The following CNTNAP2 variants were observed in gnomAD, a reference collection of about 807,000 sequenced individuals.
CNTNAP2 encodes contactin associated protein 2.
CNTNAP2 carries 98 observed loss-of-function variants against 155.2 expected under a neutral mutation model. The ratio of observed to expected loss-of-function variants is 0.63; its 90% CI spans 0.54 to 0.75. The LOEUF (loss-of-function observed/expected upper bound fraction) is 0.75. Ranked by LOEUF, CNTNAP2 falls within the 30% of genes least tolerant of loss-of-function variation. CNTNAP2 has a pLI of 0.00. For synonymous variants in CNTNAP2, 651 were observed against 631.2 expected (o/e 1.03, Z -0.47); for missense variants, 1,727 against 1,688.1 (o/e 1.02, Z -0.40).
chr7:148,103,210 T>C (rs1804140724), intron 15 of CNTNAP2, among the ~76,000 whole-genome samples: 1 of 151,500 alleles, frequency 6.6e-6, no homozygotes, highest in Admixed American at 6.6e-5. Context: ...ATGTAGCTTT[T>C]TTTTTTTTTT....
At chr7:148,337,636 T>C (rs1399414415) in intron 21 of CNTNAP2, among the ~76,000 whole-genome samples, 1 of 152,256 alleles carries the variant, frequency 6.6e-6, no homozygotes, top group African/African-American at 2.4e-5. Context: ...TGTTACCAGC[T>C]ACTTCTAACC....
At chr7:147,100,570 C>G (rs1381169259) in intron 4 of CNTNAP2, among the ~76,000 whole-genome samples, 1 of 152,114 alleles carries the variant, frequency 6.6e-6, no homozygotes, top group Non-Finnish European at 1.5e-5. Flanking sequence ...GACTTATAAA[C>G]AAATAACTCC....
chr7:146,131,519 G>T (rs1031453190), intron 1 of CNTNAP2, among the ~76,000 whole-genome samples: 1 of 152,086 alleles, frequency 6.6e-6, no homozygotes, highest in Admixed American at 6.5e-5. Context: ...GACTTCCTGG[G>T]TTCCATGCCA....
intron 3 of CNTNAP2, among the ~76,000 whole-genome samples, chr7:146,998,693 A>T (rs1176119903): frequency 1.3e-5 from 2 of 151,880 alleles, no homozygotes; most frequent in African/African-American, 4.8e-5. Flanking sequence ...TATTTACTTT[A>T]TATATTTAGG....
At chr7:148,142,259 C>G (rs923666873) in intron 16 of CNTNAP2, among the ~76,000 whole-genome samples, 2 of 152,032 alleles carry the variant, frequency 1.3e-5, no homozygotes, top group Non-Finnish European at 2.9e-5. Context: ...CATAGATGAA[C>G]TCTTTACTTC....
chr7:146,219,660 T>A (rs1425509529), intron 1 of CNTNAP2, among the ~76,000 whole-genome samples: 1 of 152,202 alleles, frequency 6.6e-6, no homozygotes, highest in Non-Finnish European at 1.5e-5. Flanking sequence ...CTCAGGTAAA[T>A]GAGATGGGTC....
chr7:147,608,837 C>T (rs1013867358), intron 12 of CNTNAP2, among the ~76,000 whole-genome samples: 3 of 151,428 alleles, frequency 2.0e-5, no homozygotes, highest in African/African-American at 7.3e-5. Context: ...GGGGTGGGGC[C>T]GTTTTATAGG....
At chr7:147,006,715 T>A (rs1428782797) in intron 3 of CNTNAP2, among the ~76,000 whole-genome samples, 2 of 152,128 alleles carry the variant, frequency 1.3e-5, no homozygotes, top group Admixed American at 6.6e-5. Context: ...TATCTTCATA[T>A]ACACTTCTAG....
intron 11 of CNTNAP2, among the ~76,000 whole-genome samples, chr7:147,511,488 C>G (rs1799020344): frequency 6.8e-6 from 1 of 147,602 alleles, no homozygotes; most frequent in African/African-American, 2.5e-5. Flanking sequence ...TGCAATAAAG[C>G]TAGGAAGTAA....
chr7:147,350,435 G>C (rs535256822), intron 9 of CNTNAP2, among the ~76,000 whole-genome samples: 1 of 151,732 alleles, frequency 6.6e-6, no homozygotes, highest in Non-Finnish European at 1.5e-5. Flanking sequence ...ACACTTTATA[G>C]TACTCATTTC....
intron 1 of CNTNAP2, among the ~76,000 whole-genome samples, chr7:146,285,375 A>G (rs953152875): frequency 6.6e-6 from 1 of 152,150 alleles, no homozygotes; most frequent in African/African-American, 2.4e-5. Flanking sequence ...CTCAATCAAT[A>G]GTTATTATAC....
intron 21 of CNTNAP2, among the ~76,000 whole-genome samples, chr7:148,290,628 A>G (rs1797172941): frequency 6.6e-6 from 1 of 152,182 alleles, no homozygotes; most frequent in Admixed American, 6.5e-5. Context: ...ATCACTTTCT[A>G]TCTTCATGTG....
At chr7:148,182,403 T>G (rs1795053844) in intron 18 of CNTNAP2, among the ~76,000 whole-genome samples, 1 of 148,016 alleles carries the variant, frequency 6.8e-6, no homozygotes, top group South Asian at 2.2e-4. Flanking sequence ...CCTTGAGTAC[T>G]CCATCACGTC....
chr7:148,176,870 T>C (rs989372981), intron 18 of CNTNAP2, among the ~76,000 whole-genome samples: 1 of 152,182 alleles, frequency 6.6e-6, no homozygotes, highest in Non-Finnish European at 1.5e-5. Flanking sequence ...GGGTCTGTCA[T>C]CCCCAGGATT....
chr7:146,122,168 G>GC (rs1392315465), intron 1 of CNTNAP2, among the ~76,000 whole-genome samples: 1 of 152,212 alleles, frequency 6.6e-6, no homozygotes, highest in Non-Finnish European at 1.5e-5. Context: ...AAAGGACCTA[G>GC]ATGTGCTTAG....
At chr7:148,136,677 A>G (rs1303608732) in intron 16 of CNTNAP2, among the ~76,000 whole-genome samples, 2 of 152,138 alleles carry the variant, frequency 1.3e-5, no homozygotes, top group Non-Finnish European at 2.9e-5. Context: ...CTCTTTGTTG[A>G]GAGTATGTCA....
At chr7:148,375,838 CAAA>C (rs34887239) in intron 21 of CNTNAP2, among the ~76,000 whole-genome samples, 4 of 38,658 alleles carry the variant, frequency 1.0e-4, no homozygotes, top group African/African-American at 1.9e-4. Context: ...ACTAAAAATA[CAAA>C]AAAAAAAAAA....
At chr7:146,584,242 A>G (rs765812316) in intron 1 of CNTNAP2, among the ~76,000 whole-genome samples, 2 of 152,210 alleles carry the variant, frequency 1.3e-5, no homozygotes, top group African/African-American at 4.8e-5. Context: ...GGGTTCTTCC[A>G]TGTTACACTG....
At chr7:146,869,935 C>A (rs1466337976) in intron 3 of CNTNAP2, among the ~76,000 whole-genome samples, 1 of 152,122 alleles carries the variant, frequency 6.6e-6, no homozygotes, top group Non-Finnish European at 1.5e-5. Context: ...TACTTCGCAT[C>A]CTTCAATGAT....
Sources: allele counts gnomAD v4.1 joint callset (sites outside exome capture counted in the v4.1 genomes callset), GRCh38; gene constraint gnomAD v4.1.1; transcripts MANE v1.5; gene names NCBI Gene and HGNC (gene_info 2026-07-23, HGNC 2026-07-21).